Variants in NRXN2 observed in about 807,000 individuals in gnomAD.
NRXN2 encodes neurexin 2.
In NRXN2, 29 loss-of-function variants were observed where a neutral mutation model predicts 128.8. That is an observed-to-expected ratio of 0.23 (90% CI 0.17 to 0.31). NRXN2 has a LOEUF of 0.31. Ranked by LOEUF, NRXN2 falls within the 10% of genes least tolerant of loss-of-function variation. The pLI is 1.00. For synonymous variants in NRXN2, 1,098 were observed against 1,075.2 expected, an observed-to-expected ratio of 1.02 and a Z score of -0.41; for missense variants, 1,881 against 2,452.6, an observed-to-expected ratio of 0.77 and a Z score of 4.92.
At chr11:64,627,279 C>T (rs1241751996) in intron 19 of NRXN2, among the ~76,000 whole-genome samples, 1 of 152,014 alleles carries the variant, frequency 6.6e-6, no homozygotes, top group Non-Finnish European at 1.5e-5. Flanking sequence ...TCTCTTTCTA[C>T]TGGGCAGCCA....
chr11:64,697,922 G>A, intron 2 of NRXN2, 130 bp from the exon 3 acceptor site: 1 of 1,021,312 alleles, frequency 9.8e-7, no homozygotes. Flanking sequence ...CCTGACATGA[G>A]TCACCCAATG....
intron 7 of NRXN2, chr11:64,676,128 G>C (rs2051285772): frequency 6.6e-6 from 1 of 152,646 alleles, no homozygotes; most frequent in African/African-American, 2.4e-5. Flanking sequence ...CAGGCAGCGG[G>C]CAGAGAGGGC....
At chr11:64,655,462 G>A (rs2048125342) in intron 11 of NRXN2, among the ~76,000 whole-genome samples, 1 of 152,218 alleles carries the variant, frequency 6.6e-6, no homozygotes, top group African/African-American at 2.4e-5. Context: ...GACTGTTAGG[G>A]TGAGGGTAGA....
rs780528630 is a variant in NRXN2 at position 64,622,793 on chromosome 11, C to A, written c.4133G>T (p.Arg1378Leu). 2 of 1,612,048 alleles carry A rather than the reference C, an allele frequency of 1.2e-6. No individual in the cohort carries two copies. Among genetic ancestry groups the A allele is most frequent in the Non-Finnish European group, 1.7e-6 (2 of 1,179,926 alleles). Reference protein sequence around the residue: ...TTTTMATTTTRRGRSPTLRDS... With the variant: ...TTTTMATTTTLRGRSPTLRDS... ...CCTCAGTGTGGGGGAGCGGCCCCGG[C>A]GCGTGGTGGTAGTGGCCATGGTGGT... Residue 1378 changes from arginine (R) to leucine (L), a missense_variant, in exon 21 of 23, where the codon CGC (arginine) becomes CTC (leucine). Around this residue, in one of 7 missense-constraint regions of NRXN2, gnomAD observed 108 missense variants for 165.2 expected, o/e 0.65. Coordinates refer to ENST00000265459, the MANE Select transcript of NRXN2 (RefSeq NM_015080.4). The surrounding 1 kb of genome is among the most constrained non-coding windows in gnomAD (Gnocchi z 4.3).
At chr11:64,712,707 C>T (rs1433786281) in intron 2 of NRXN2, 2 of 640,644 alleles carry the variant, frequency 3.1e-6, no homozygotes, top group Admixed American at 4.2e-5. Context: ...CAGAACCTGA[C>T]CACACAGGCT....
At position 64,607,621 on chromosome 11, in the gene NRXN2, G is replaced by C; in HGVS notation, c.4714C>G (p.Gln1572Glu). 6.5e-7 allele frequency: 1 copy of C among 1,536,642 alleles called. No individual in the cohort carries two copies. The highest frequency in any genetic ancestry group is 1.2e-5 in the South Asian group (1 of 84,226). Residue 1572 changes from glutamine to glutamate, a missense_variant, in exon 23 of 23, where the codon CAG becomes GAG. By Grantham distance (29) the Gln-to-Glu change is conservative. This residue lies in a region of NRXN2 where 310 missense variants were observed against 318.2 expected (regional missense o/e 0.97). Transcript: ENST00000265459. Reference protein sequence around the residue: ...AGKMNHRDPLQPLLENPPLGP... With the variant: ...AGKMNHRDPLEPLLENPPLGP... ...AAGGGCGGGTTCTCCAGCAAGGGCT[G>C]AAGCGGGTCTCGGTGGTTCATTTTG...
At chr11:64,671,793 T>G (rs2050675946) in intron 7 of NRXN2, among the ~76,000 whole-genome samples, 1 of 151,988 alleles carries the variant, frequency 6.6e-6, no homozygotes, top group African/African-American at 2.4e-5. Flanking sequence ...GAGACACTTA[T>G]GGGTTGAAAA....
At position 64,651,324 on chromosome 11, in the gene NRXN2, G is replaced by A; in HGVS notation, c.2849C>T (p.Ala950Val). ...MHLFFQFKTT[A>V]PDGLLLFNSG... ...GTTGAACAGAAGAAGCCCATCAGGGGCCGTGGTCTTGAACTGGAAGAAGAG... is the reference window on the plus strand; with the variant it reads ...GTTGAACAGAAGAAGCCCATCAGGGACCGTGGTCTTGAACTGGAAGAAGAG... Residue 950 changes from alanine (A) to valine (V), a missense_variant, in exon 14 of 23, where the codon GCC (alanine) becomes GTC (valine). Ala to Val is a moderately conservative substitution (Grantham distance 64, BLOSUM62 0). Around this residue, in one of 7 missense-constraint regions of NRXN2, gnomAD observed 390 missense variants for 599.6 expected, o/e 0.65. Coordinates refer to ENST00000265459, the MANE Select transcript of NRXN2 (RefSeq NM_015080.4). This position sits in a 1 kb window ranked among gnomAD's most constrained non-coding sequence, Gnocchi z 5.9. 1.2e-6 allele frequency: 2 copies of A among 1,614,212 alleles called. No homozygotes were observed. The highest frequency in any genetic ancestry group is 1.7e-6 in the Non-Finnish European group (2 of 1,180,036).
At chr11:64,707,952 G>A (rs1297738375) in intron 2 of NRXN2, among the ~76,000 whole-genome samples, 1 of 152,156 alleles carries the variant, frequency 6.6e-6, no homozygotes, top group East Asian at 1.9e-4. Context: ...AATTAGCCAG[G>A]CGTGGTGGTG....
chr11:64,646,667 C>A (rs974137522), intron 17 of NRXN2: 1 of 152,236 alleles, frequency 6.6e-6, no homozygotes, highest in African/African-American at 2.4e-5. Flanking sequence ...ATTAAAAGGG[C>A]CTTGTAGCAG....
intron 6 of NRXN2, among the ~76,000 whole-genome samples, chr11:64,681,699 A>G (rs2052313243): frequency 6.6e-6 from 1 of 152,228 alleles, no homozygotes; most frequent in South Asian, 2.1e-4. Context: ...CTGGGATTTG[A>G]ACCTGGTCTT....
chr11:64,635,911 G>GT lies in NRXN2; in HGVS notation c.3404-460_3404-459insA, dbSNP rs771410423. Among the ~76,000 whole-genome samples, 1 of 152,076 alleles carries GT rather than the reference G, an allele frequency of 6.6e-6. No homozygotes were observed. Among genetic ancestry groups the GT allele is most frequent in the South Asian group, 2.1e-4 (1 of 4,828 alleles). On this transcript the variant is annotated intron_variant, in intron 17 of 22. Coordinates refer to ENST00000265459, the MANE Select transcript of NRXN2 (RefSeq NM_015080.4). The surrounding 1 kb of genome is among the most constrained non-coding windows in gnomAD (Gnocchi z 4.8). ...CAGGCACCAAGGAACCCCAGGTGAT[G>GT]GCAGGAAGATGAGCAGAGCTGTGTG...
chr11:64,691,335 G>A (rs1041483741), intron 4 of NRXN2, among the ~76,000 whole-genome samples: 2 of 152,146 alleles, frequency 1.3e-5, no homozygotes, highest in Non-Finnish European at 2.9e-5. Context: ...CAAATGCCCC[G>A]GTGGGCACAT....
intron 18 of NRXN2, among the ~76,000 whole-genome samples, chr11:64,633,029 C>T (rs1375594057): frequency 6.6e-6 from 1 of 152,124 alleles, no homozygotes; most frequent in Non-Finnish European, 1.5e-5. Flanking sequence ...TGCCCACCTC[C>T]CACCTCATGG....
intron 3 of NRXN2, among the ~76,000 whole-genome samples, chr11:64,697,545 T>C (rs958790776): frequency 2.0e-5 from 3 of 150,176 alleles, no homozygotes; most frequent in African/African-American, 7.4e-5. Flanking sequence ...CTCTCCAGCG[T>C]GGAGAGGGAA....
chr11:64,684,014 C>T (rs1317404655), intron 6 of NRXN2, among the ~76,000 whole-genome samples: 3 of 152,184 alleles, frequency 2.0e-5, no homozygotes, highest in Admixed American at 1.3e-4. Flanking sequence ...CATGGCTTTG[C>T]TCTATTCACT....
intron 9 of NRXN2, among the ~76,000 whole-genome samples, chr11:64,664,478 C>CAAA (rs11378464): frequency 3.0e-5 from 3 of 98,668 alleles, no homozygotes; most frequent in African/African-American, 6.3e-5. Flanking sequence ...AACTCCGTGT[C>CAAA]AAAAAAAAAA....
In NRXN2 at chr11:64,697,778, C is replaced by A; in HGVS notation, c.745G>T (p.Glu249Ter). The A allele has an allele frequency of 6.2e-7, 1 of 1,613,870 alleles. No individual in the cohort carries two copies. Among genetic ancestry groups the A allele is most frequent in the Non-Finnish European group, 8.5e-7 (1 of 1,179,876 alleles). Residue 249 changes from glutamate (E) to a stop codon, truncating the protein, a stop_gained, in exon 3 of 23, where the codon GAA becomes TAA. Transcript: ENST00000265459. LOFTEE classifies it high-confidence loss of function. ...GTGACAGAGAGGCTTCACTCACCTT[C>A]CATGGGGTGCTCCTCTGCAGCCAGC... Reference protein sequence around the residue: ...KFCSEEEHPMEGPAHLTLNSE... With the variant: ...KFCSEEEHPM
intron 22 of NRXN2, among the ~76,000 whole-genome samples, chr11:64,617,651 C>T (rs757839481): frequency 1.3e-5 from 2 of 152,256 alleles, no homozygotes; most frequent in Non-Finnish European, 2.9e-5. Context: ...GGGTCTCCAG[C>T]GAGGCTGCCC....
Sources: allele counts gnomAD v4.1 joint callset (sites outside exome capture counted in the v4.1 genomes callset), GRCh38; gene constraint gnomAD v4.1.1; regional missense constraint gnomAD v4.1.1; non-coding constraint Gnocchi (gnomAD v3.1); transcripts MANE v1.5; gene names NCBI Gene and HGNC (gene_info 2026-07-23, HGNC 2026-07-21).